Variants in DGKG observed in about 807,000 individuals in gnomAD.
DGKG encodes the protein DAG kinase gamma.
In DGKG, 78 loss-of-function variants were observed where a neutral mutation model predicts 105.3. That is an observed-to-expected ratio of 0.74 (90% CI 0.62 to 0.89). DGKG has a LOEUF of 0.89. Ranked by LOEUF, DGKG falls within the 40% of genes least tolerant of loss-of-function variation. The pLI, the probability that DGKG is intolerant of heterozygous loss-of-function variation, is 0.00. For synonymous variants in DGKG, 346 were observed against 367.1 expected, an observed-to-expected ratio of 0.94 and a Z score of 0.66; for missense variants, 958 against 1,020.1, an observed-to-expected ratio of 0.94 and a Z score of 0.83.
chr3:186,261,771 A>G lies in DGKG; in HGVS notation c.1277T>C (p.Ile426Thr). The G allele has an allele frequency of 6.3e-7, 1 of 1,599,066 alleles. No homozygotes were observed. Among genetic ancestry groups the G allele is most frequent in the Admixed American group, 1.7e-5 (1 of 58,514 alleles). The change falls in exon 15 of 25, where the codon ATC becomes ACC. Residue 426 changes from isoleucine (I) to threonine (T), a missense_variant. Transcript: ENST00000265022. ...GGGGTGGGTACCCGGGGTGGGGATG[A>G]TCTTATACTTGAAAGGTAAAAGAAA... ...AKGELVMQYK[I>T]IPTPGTHPLL...
chr3:186,287,634 A>C (rs2108602463), intron 6 of DGKG, among the ~76,000 whole-genome samples: 1 of 152,376 alleles, frequency 6.6e-6, no homozygotes, highest in African/African-American at 2.4e-5. Flanking sequence ...AATGCTGGAA[A>C]TAATTTGATG....
chr3:186,295,385 C>G (rs1723500698), intron 5 of DGKG, among the ~76,000 whole-genome samples: 1 of 151,748 alleles, frequency 6.6e-6, no homozygotes, highest in Non-Finnish European at 1.5e-5. Context: ...GCCTGTAGTC[C>G]CAGCTACTCG....
chr3:186,275,259 A>G (rs1489102136), intron 10 of DGKG, among the ~76,000 whole-genome samples: 2 of 152,224 alleles, frequency 1.3e-5, no homozygotes, highest in African/African-American at 4.8e-5. Context: ...CCCAACTAAA[A>G]GTAGTATGAG....
At chr3:186,235,411 T>C (rs922042496) in intron 20 of DGKG, among the ~76,000 whole-genome samples, 1 of 152,202 alleles carries the variant, frequency 6.6e-6, no homozygotes, top group Non-Finnish European at 1.5e-5. Context: ...AAATATTAGA[T>C]GAAGAGAGGC....
chr3:186,209,864 C>T (rs1401326517), intron 21 of DGKG, among the ~76,000 whole-genome samples: 1 of 152,182 alleles, frequency 6.6e-6, no homozygotes, highest in Non-Finnish European at 1.5e-5. Flanking sequence ...CTGTCAGAAG[C>T]TGCCCATCAC....
At chr3:186,170,357 C>T (rs985609878) in intron 22 of DGKG, among the ~76,000 whole-genome samples, 1 of 152,184 alleles carries the variant, frequency 6.6e-6, no homozygotes, top group African/African-American at 2.4e-5. Context: ...CCGGCAGCCT[C>T]AGCATCACCT....
At chr3:186,212,628 A>C (rs979143497) in intron 20 of DGKG, among the ~76,000 whole-genome samples, 2 of 152,186 alleles carry the variant, frequency 1.3e-5, no homozygotes, top group African/African-American at 4.8e-5. Flanking sequence ...AAAAAAAATC[A>C]ATCAATGGGG....
chr3:186,165,999 A>T (rs1716524193), intron 22 of DGKG, among the ~76,000 whole-genome samples: 1 of 152,228 alleles, frequency 6.6e-6, no homozygotes, highest in Non-Finnish European at 1.5e-5. Context: ...AACTGTGTCT[A>T]TGTTAATGCT....
intron 1 of DGKG, among the ~76,000 whole-genome samples, chr3:186,358,242 G>C (rs896278318): frequency 1.3e-5 from 2 of 152,256 alleles, no homozygotes; most frequent in African/African-American, 4.8e-5. Context: ...TAGTTCAGTG[G>C]GAGATATGCA....
chr3:186,349,967 C>G (rs761662240), intron 1 of DGKG, among the ~76,000 whole-genome samples: 12 of 152,020 alleles, frequency 7.9e-5, no homozygotes, highest in Non-Finnish European at 1.6e-4. Flanking sequence ...TCACTGCAAC[C>G]TCTGTCATCC....
intron 24 of DGKG, 54 bp downstream of exon 24, chr3:186,161,549 A>G: frequency 6.2e-7 from 1 of 1,613,412 alleles, no homozygotes; most frequent in Non-Finnish European, 8.5e-7. Context: ...CAGTGCCCAA[A>G]AGGGCTCAAA....
chr3:186,355,152 TTATCACCACCATCACCCCCACAAC>T (rs1194484876), intron 1 of DGKG, among the ~76,000 whole-genome samples: 49 of 28,104 alleles, frequency 1.7e-3, no homozygotes, highest in African/African-American at 8.2e-3. Flanking sequence ...ACCATTATCA[TTATCACCACCATCACCCCCACAAC>T]TATCACCACC....
rs558383832 is a variant in DGKG, at chr3:186,210,401, G to A, written c.1917+1394C>T. On this transcript the variant is annotated intron_variant, in intron 21 of 24. Coordinates refer to ENST00000265022, the MANE Select transcript of DGKG (RefSeq NM_001346.3). This position sits in a 1 kb window ranked among gnomAD's most constrained non-coding sequence, Gnocchi z 5.2. ...GTTCACACGTCAAGAGAGGAGGACC[G>A]GCTTCTCAGACTCCCTGTGTGCCAC... is the stretch of plus-strand genomic sequence containing the variant. Among the ~76,000 whole-genome samples the A allele has an allele frequency of 3.4e-4, 52 of 152,308 alleles. No homozygotes were observed. Among genetic ancestry groups the A allele is most frequent in the Middle Eastern group, 3.4e-3 (1 of 294 alleles).
intron 19 of DGKG, 47 bp from the exon 20 acceptor site, chr3:186,242,615 A>G: frequency 1.3e-6 from 2 of 1,551,552 alleles, no homozygotes; most frequent in Non-Finnish European, 1.8e-6. Context: ...TGGTCATGAC[A>G]GTGCAGTGCG....
At chr3:186,359,255 C>T (rs899275473) in intron 1 of DGKG, among the ~76,000 whole-genome samples, 16 of 152,090 alleles carry the variant, frequency 1.1e-4, no homozygotes, top group Non-Finnish European at 1.5e-4. Flanking sequence ...ACATTCATGC[C>T]CTTTGGCCTG....
At chr3:186,300,910 G>A (rs1723889618) in intron 3 of DGKG, among the ~76,000 whole-genome samples, 1 of 152,162 alleles carries the variant, frequency 6.6e-6, no homozygotes, top group Admixed American at 6.5e-5. Flanking sequence ...TCAGCAAATT[G>A]TGAGTGTTGA....
chr3:186,163,181 TC>T (rs1716382063), intron 23 of DGKG, among the ~76,000 whole-genome samples: 1 of 152,068 alleles, frequency 6.6e-6, no homozygotes, highest in African/African-American at 2.4e-5. Flanking sequence ...AATTTTAAAA[TC>T]TTTTGTAGAA....
At chr3:186,189,101 C>A (rs1030062633) in intron 21 of DGKG, among the ~76,000 whole-genome samples, 1 of 152,208 alleles carries the variant, frequency 6.6e-6, no homozygotes, top group Non-Finnish European at 1.5e-5. Flanking sequence ...GAGTGAGCCA[C>A]CACGCCTGGC....
At chr3:186,276,356 C>A (rs1394886594) in intron 9 of DGKG, among the ~76,000 whole-genome samples, 4 of 152,124 alleles carry the variant, frequency 2.6e-5, no homozygotes, top group Non-Finnish European at 5.9e-5. Flanking sequence ...TATAATAGAT[C>A]TTTGATGGGA....
Sources: allele counts gnomAD v4.1 joint callset (sites outside exome capture counted in the v4.1 genomes callset), GRCh38; gene constraint gnomAD v4.1.1; non-coding constraint Gnocchi (gnomAD v3.1); transcripts MANE v1.5; gene names NCBI Gene and HGNC (gene_info 2026-07-23, HGNC 2026-07-21).